SCHIP1: variants seen among roughly 807,000 people sequenced by gnomAD.
The protein encoded by SCHIP1 is schwannomin-interacting protein 1.
A neutral mutation model predicts 29.7 loss-of-function variants in SCHIP1; 8 were observed. The ratio of observed to expected loss-of-function variants is 0.27; its 90% CI spans 0.16 to 0.49. SCHIP1 has a LOEUF of 0.49. Among genes scored for constraint, SCHIP1 ranks in the 20% least tolerant of loss-of-function variants. The pLI is 0.99. For missense variants in SCHIP1, 193 were observed against 294.6 expected, an observed-to-expected ratio of 0.66 and a Z score of 2.52; for synonymous variants, 76 against 94.9, an observed-to-expected ratio of 0.80 and a Z score of 1.16.
At chr3:159,894,198 C>T (rs1717837880) in intron 6 of SCHIP1, 1 of 152,152 alleles carries the variant, frequency 6.6e-6, no homozygotes, top group Admixed American at 6.5e-5. Context: ...TTTTAAAGCT[C>T]TGAGATAATT....
chr3:159,389,543 C>A, the SCHIP1 span, among the ~76,000 whole-genome samples: 1 of 151,890 alleles, frequency 6.6e-6, no homozygotes, highest in African/African-American at 2.4e-5. Flanking sequence ...AATTCTCCTG[C>A]ATAAATACTT....
chr3:159,803,350 C>T, the SCHIP1 span, among the ~76,000 whole-genome samples: 4 of 152,134 alleles, frequency 2.6e-5, no homozygotes, highest in African/African-American at 7.2e-5. Flanking sequence ...TCCAGAATAC[C>T]TACCAAGTCC....
chr3:159,549,046 C>T, the SCHIP1 span, among the ~76,000 whole-genome samples: 2 of 152,084 alleles, frequency 1.3e-5, no homozygotes, highest in Non-Finnish European at 2.9e-5. Context: ...TTTTAGCAGA[C>T]CTTTAGCTTA....
the SCHIP1 span, among the ~76,000 whole-genome samples, chr3:159,398,397 G>A: frequency 6.6e-6 from 1 of 152,178 alleles, no homozygotes; most frequent in Admixed American, 6.5e-5. Flanking sequence ...CAGCAGGTTG[G>A]CAAAGGACTT....
At chr3:159,588,762 A>T in the SCHIP1 span, among the ~76,000 whole-genome samples, 1 of 152,172 alleles carries the variant, frequency 6.6e-6, no homozygotes, top group South Asian at 2.1e-4. Flanking sequence ...TTTGTCAAAG[A>T]TCATATAGTT....
At chr3:159,703,502 A>G in the SCHIP1 span, among the ~76,000 whole-genome samples, 1 of 152,108 alleles carries the variant, frequency 6.6e-6, no homozygotes, top group Non-Finnish European at 1.5e-5. Context: ...GCAGAATTGA[A>G]CTAGAGGTCC....
At chr3:159,869,029 C>T (rs1038756347) in intron 2 of SCHIP1, among the ~76,000 whole-genome samples, 2 of 151,810 alleles carry the variant, frequency 1.3e-5, no homozygotes, top group African/African-American at 4.8e-5. Flanking sequence ...GTATATTAGC[C>T]GTATTTGTTT....
At chr3:159,552,497 T>C in the SCHIP1 span, among the ~76,000 whole-genome samples, 1 of 152,202 alleles carries the variant, frequency 6.6e-6, no homozygotes, top group Non-Finnish European at 1.5e-5. Flanking sequence ...AAAGGTGACA[T>C]TACTTCCATG....
At chr3:159,331,246 C>T in the SCHIP1 span, among the ~76,000 whole-genome samples, 1 of 152,268 alleles carries the variant, frequency 6.6e-6, no homozygotes, top group Middle Eastern at 3.4e-3. Flanking sequence ...TAGAATTAAC[C>T]TCCCCCAGAG....
At chr3:159,733,585 T>A in the SCHIP1 span, among the ~76,000 whole-genome samples, 1 of 152,170 alleles carries the variant, frequency 6.6e-6, no homozygotes, top group Admixed American at 6.5e-5. Context: ...TCTCTACAGT[T>A]GTGTGGGGGA....
the SCHIP1 span, among the ~76,000 whole-genome samples, chr3:159,638,750 A>G: frequency 6.6e-6 from 1 of 152,070 alleles, no homozygotes; most frequent in Non-Finnish European, 1.5e-5. Flanking sequence ...TTTTGATCAC[A>G]TACCACCTCA....
the SCHIP1 span, among the ~76,000 whole-genome samples, chr3:159,639,742 T>C: frequency 1.3e-4 from 20 of 152,176 alleles, no homozygotes; most frequent in African/African-American, 4.8e-4. Flanking sequence ...CCTCTCCACG[T>C]AGTTTGGAAG....
At chr3:159,371,035 G>T in the SCHIP1 span, among the ~76,000 whole-genome samples, 1 of 125,754 alleles carries the variant, frequency 8.0e-6, no homozygotes, top group Admixed American at 8.3e-5. Context: ...TAATATACTG[G>T]CTTATCTTGT....
At chr3:159,470,496 A>G in the SCHIP1 span, among the ~76,000 whole-genome samples, 2 of 152,144 alleles carry the variant, frequency 1.3e-5, no homozygotes, top group Non-Finnish European at 2.9e-5. Flanking sequence ...GTTCACATTA[A>G]CAACAGAGCT....
the SCHIP1 span, among the ~76,000 whole-genome samples, chr3:159,504,260 C>T: frequency 1.3e-5 from 2 of 152,064 alleles, no homozygotes; most frequent in Admixed American, 6.6e-5. Flanking sequence ...TTATAAGTGT[C>T]GTGAAGAAAT....
the SCHIP1 span, among the ~76,000 whole-genome samples, chr3:159,383,296 G>T: frequency 3.3e-5 from 5 of 151,358 alleles, no homozygotes; most frequent in African/African-American, 1.2e-4. Context: ...AAGATGTAAG[G>T]AAGGGATCCA....
the SCHIP1 span, among the ~76,000 whole-genome samples, chr3:159,320,013 T>A: frequency 6.6e-6 from 1 of 152,220 alleles, no homozygotes; most frequent in African/African-American, 2.4e-5. Context: ...AGTAATGTGA[T>A]GGCATTAGAA....
the SCHIP1 span, among the ~76,000 whole-genome samples, chr3:159,618,390 T>C: frequency 6.6e-6 from 1 of 152,228 alleles, no homozygotes; most frequent in East Asian, 1.9e-4. Flanking sequence ...TTTGTAGGCA[T>C]GAACAACGAT....
At chr3:159,472,877 A>G in the SCHIP1 span, among the ~76,000 whole-genome samples, 1 of 152,308 alleles carries the variant, frequency 6.6e-6, no homozygotes, top group Non-Finnish European at 1.5e-5. Flanking sequence ...GAAGAATCAC[A>G]TATGTGGAGT....
Sources: allele counts gnomAD v4.1 joint callset (sites outside exome capture counted in the v4.1 genomes callset), GRCh38; gene constraint gnomAD v4.1.1; transcripts MANE v1.5; gene names NCBI Gene and HGNC (gene_info 2026-07-23, HGNC 2026-07-21).